The following NEBL variants were observed in gnomAD, a reference collection of about 807,000 sequenced individuals.
NEBL encodes the protein nebulette, also known as LIM and SH3 protein 2.
Under a neutral mutation model 140.2 loss-of-function variants are expected in NEBL, and 122 were observed. The ratio of observed to expected loss-of-function variants is 0.87; its 90% confidence interval spans 0.75 to 1.01. The LOEUF (loss-of-function observed/expected upper bound fraction) is 1.01, where lower values mean the gene tolerates loss of function less well. NEBL is among the 50% of genes least tolerant of loss of function. The pLI is 0.00. For synonymous variants in NEBL, 436 were observed against 398.9 expected (o/e 1.09, Z -1.11); for missense variants, 1,365 against 1,231.3 (o/e 1.11, Z -1.62).
chr10:20,862,311 A>G (rs1843790992), intron 7 of NEBL, among the ~76,000 whole-genome samples: 1 of 152,212 alleles, frequency 6.6e-6, no homozygotes, highest in East Asian at 1.9e-4. Flanking sequence ...TTGATTCAAG[A>G]TGCCTAAGGA....
chr10:21,048,384 T>A (rs1834612578), intron 2 of NEBL, among the ~76,000 whole-genome samples: 1 of 140,706 alleles, frequency 7.1e-6, no homozygotes, highest in Non-Finnish European at 1.5e-5. Context: ...TGGTTGCCAC[T>A]CAGAAAATCT....
At chr10:20,909,082 T>C (rs1848220636) in intron 4 of NEBL, among the ~76,000 whole-genome samples, 1 of 152,066 alleles carries the variant, frequency 6.6e-6, no homozygotes, top group Non-Finnish European at 1.5e-5. Context: ...AGGCATACAA[T>C]GCATAATAAT....
At chr10:20,797,449 T>C (rs1836663258) in intron 26 of NEBL, among the ~76,000 whole-genome samples, 1 of 152,196 alleles carries the variant, frequency 6.6e-6, no homozygotes, top group African/African-American at 2.4e-5. Context: ...CCACACTAAA[T>C]ATCATAAATA....
At chr10:20,940,189 A>G (rs1289597781) in intron 4 of NEBL, among the ~76,000 whole-genome samples, 2 of 152,162 alleles carry the variant, frequency 1.3e-5, no homozygotes, top group South Asian at 2.1e-4. Context: ...TTGGAAGTAA[A>G]GCACTCCTCA....
chr10:21,252,241 T>A (rs7921613), intron 1 of NEBL, among the ~76,000 whole-genome samples: 45,768 of 152,124 alleles, frequency 0.3, 8,365 homozygotes, highest in African/African-American at 0.52. Flanking sequence ...TTTGGATATC[T>A]AACACTTACC....
At chr10:20,915,553 A>C (rs889180550) in intron 4 of NEBL, among the ~76,000 whole-genome samples, 1 of 151,206 alleles carries the variant, frequency 6.6e-6, no homozygotes, top group East Asian at 1.9e-4. Flanking sequence ...ATGATTTCCA[A>C]TTTCATCCAT....
At chr10:21,194,924 C>T (rs1013297303) in intron 3 of NEBL, among the ~76,000 whole-genome samples, 5 of 150,892 alleles carry the variant, frequency 3.3e-5, no homozygotes, top group Non-Finnish European at 5.9e-5. Context: ...TGATGTAGAT[C>T]AAGGGAAAAA....
chr10:21,172,496 C>T (rs1237102810), intron 1 of NEBL: 2 of 1,278,554 alleles, frequency 1.6e-6, no homozygotes, highest in Non-Finnish European at 2.2e-6. Context: ...AAAAAAAAAA[C>T]ATTTAAAAAT....
chr10:20,925,594 C>T (rs1268924815), intron 4 of NEBL, among the ~76,000 whole-genome samples: 1 of 152,100 alleles, frequency 6.6e-6, no homozygotes. Flanking sequence ...TGAAAGAAAG[C>T]AATCTGATTT....
chr10:20,891,188 T>C (rs986460854), intron 2 of NEBL, among the ~76,000 whole-genome samples: 5 of 152,226 alleles, frequency 3.3e-5, no homozygotes, highest in African/African-American at 1.2e-4. Flanking sequence ...AAATCCCATA[T>C]TTCACTGCTG....
chr10:20,978,595 A>G (rs1264546472), intron 3 of NEBL, among the ~76,000 whole-genome samples: 1 of 152,038 alleles, frequency 6.6e-6, no homozygotes, highest in African/African-American at 2.4e-5. Flanking sequence ...GGTCTCTAAT[A>G]AAAATTTAAA....
At chr10:20,881,245 C>T (rs1327547174) in intron 4 of NEBL, among the ~76,000 whole-genome samples, 1 of 152,158 alleles carries the variant, frequency 6.6e-6, no homozygotes, top group African/African-American at 2.4e-5. Flanking sequence ...CTTGGAAAAA[C>T]AACTAAGTAG....
chr10:21,259,502 C>A (rs991845773), intron 1 of NEBL, among the ~76,000 whole-genome samples: 1 of 151,582 alleles, frequency 6.6e-6, no homozygotes, highest in Admixed American at 6.6e-5. Flanking sequence ...CTCTTTCTAG[C>A]CTTTCCCACC....
chr10:21,028,741 T>C (rs1833646409), intron 2 of NEBL, among the ~76,000 whole-genome samples: 1 of 151,800 alleles, frequency 6.6e-6, no homozygotes, highest in African/African-American at 2.4e-5. Flanking sequence ...TATCAAATTT[T>C]TTAGAAGAAC....
chr10:20,869,112 A>G (rs1028815211), intron 6 of NEBL, among the ~76,000 whole-genome samples: 4 of 152,194 alleles, frequency 2.6e-5, no homozygotes, highest in Admixed American at 2.0e-4. Context: ...AGTTTCGTTT[A>G]TTCTCAGGAA....
rs1174016308 is a variant in NEBL, at chr10:20,781,136, G to GA, written c.*4610dup. On this transcript the variant is annotated 3_prime_UTR_variant, in exon 28 of 28. Transcript: ENST00000377122. ...AGGCTTAAAGATTCACAGTGTAGAG[G>GA]AAAAAAATATGAATTAAAGCATTTC... The GA allele has an allele frequency of 6.6e-6, 1 of 152,370 alleles. No homozygotes were observed. Among genetic ancestry groups the GA allele is most frequent in the East Asian group, 1.9e-4 (1 of 5,198 alleles). The allele number at this position is 152,370 out of a possible 1,614,324, so 9.4% of individuals were successfully genotyped here.
At chr10:20,933,136 C>T (rs1481660588) in intron 4 of NEBL, among the ~76,000 whole-genome samples, 1 of 152,092 alleles carries the variant, frequency 6.6e-6, no homozygotes. Flanking sequence ...TGGGCATGAA[C>T]TGGGGATCCC....
At chr10:21,006,531 C>A (rs1423432074) in intron 3 of NEBL, among the ~76,000 whole-genome samples, 7 of 152,234 alleles carry the variant, frequency 4.6e-5, no homozygotes, top group Admixed American at 4.6e-4. Flanking sequence ...CCTGTTCCTT[C>A]CCTTGGCCAG....
intron 3 of NEBL, among the ~76,000 whole-genome samples, chr10:21,001,028 G>A (rs1021372266): frequency 3.3e-5 from 5 of 152,150 alleles, no homozygotes; most frequent in Non-Finnish European, 7.4e-5. Flanking sequence ...CCAATCATCT[G>A]CAGTTCCCTC....
Sources: allele counts gnomAD v4.1 joint callset (sites outside exome capture counted in the v4.1 genomes callset), GRCh38; gene constraint gnomAD v4.1.1; transcripts MANE v1.5; gene names NCBI Gene and HGNC (gene_info 2026-07-23, HGNC 2026-07-21).